Variants in NKAIN2 observed in about 807,000 individuals in gnomAD.
NKAIN2 encodes sodium/potassium-transporting ATPase subunit beta-1-interacting protein 2.
NKAIN2 carries 14 observed loss-of-function variants against 32.6 expected under a neutral mutation model. The ratio of observed to expected loss-of-function variants is 0.43; its 90% CI spans 0.28 to 0.67. NKAIN2 has a LOEUF of 0.67. NKAIN2 is among the 30% of genes least tolerant of loss of function. The pLI, the probability that NKAIN2 is intolerant of heterozygous loss-of-function variation, is 0.17. For synonymous variants in NKAIN2, 80 were observed against 87.2 expected, an observed-to-expected ratio of 0.92 and a Z score of 0.46; for missense variants, 198 against 258.3, an observed-to-expected ratio of 0.77 and a Z score of 1.60.
chr6:123,852,407 A>T lies in NKAIN2; in HGVS notation c.54+48153A>T, dbSNP rs546403333. On this transcript the variant is annotated intron_variant, in intron 1 of 6. Transcript: ENST00000368417. Reference sequence around the variant, plus strand: ...CTCTTGAATTTTTTCTTCCTGTTCAACTGAAATTTTGCATCCTTCAGCTAA... The same window carrying T: ...CTCTTGAATTTTTTCTTCCTGTTCATCTGAAATTTTGCATCCTTCAGCTAA... Among the ~76,000 whole-genome samples, 14 of 152,200 alleles carry T rather than the reference A, an allele frequency of 9.2e-5. No homozygotes were observed. The East Asian group carries it at 2.1e-3, about 23-fold the overall frequency.
chr6:123,910,504 T>G (rs1256924914), intron 1 of NKAIN2, among the ~76,000 whole-genome samples: 7 of 126,552 alleles, frequency 5.5e-5, no homozygotes, highest in African/African-American at 2.3e-4. Context: ...TGCATGTTTT[T>G]TTTTTTTTTT....
chr6:124,333,446 G>A (rs1797744262), intron 2 of NKAIN2, among the ~76,000 whole-genome samples: 1 of 151,210 alleles, frequency 6.6e-6, no homozygotes, highest in Admixed American at 6.6e-5. Flanking sequence ...GATCACCTGA[G>A]GTCAGGAGTT....
chr6:123,821,215 G>C (rs919614767), intron 1 of NKAIN2, among the ~76,000 whole-genome samples: 4 of 152,130 alleles, frequency 2.6e-5, no homozygotes, highest in African/African-American at 9.7e-5. Flanking sequence ...GTAGCCACTG[G>C]ATATTTACAT....
At chr6:124,384,197 T>G (rs1310286278) in intron 3 of NKAIN2, among the ~76,000 whole-genome samples, 1 of 152,178 alleles carries the variant, frequency 6.6e-6, no homozygotes, top group East Asian at 1.9e-4. Flanking sequence ...GTAAGATTCA[T>G]GAGAACAGTG....
At chr6:124,428,332 A>G (rs1451714279) in intron 3 of NKAIN2, among the ~76,000 whole-genome samples, 1 of 152,158 alleles carries the variant, frequency 6.6e-6, no homozygotes, top group Non-Finnish European at 1.5e-5. Flanking sequence ...ATTGCTGGAA[A>G]TAACTAGGAT....
At chr6:123,816,065 G>T (rs918184496) in intron 1 of NKAIN2, among the ~76,000 whole-genome samples, 13 of 152,268 alleles carry the variant, frequency 8.5e-5, no homozygotes, top group Non-Finnish European at 1.6e-4. Context: ...ATACGATAGG[G>T]AGGATTTCTA....
Position 124,823,345 on chromosome 6 carries a change from A to C in NKAIN2, c.*116A>C. On this transcript the variant is annotated 3_prime_UTR_variant, in exon 7 of 7. Transcript: ENST00000368417. ...TGAGTTTAAATACATACACGTATTA[A>C]CAAAACAAATGCAAAGCCTCTACAT... is the stretch of plus-strand genomic sequence containing the variant. 1 of 785,554 alleles carries C rather than the reference A, an allele frequency of 1.3e-6. No individual in the cohort carries two copies. The highest frequency in any genetic ancestry group is 2.3e-6 in the Non-Finnish European group (1 of 432,498). 48.7% of individuals were successfully genotyped at this position (785,554 alleles called of 1,614,324 possible).
chr6:124,445,356 A>T, intron 3 of NKAIN2, among the ~76,000 whole-genome samples: 1 of 152,190 alleles, frequency 6.6e-6, no homozygotes, highest in South Asian at 2.1e-4. Flanking sequence ...ACTTTTTATT[A>T]TTATATCACT....
intron 3 of NKAIN2, among the ~76,000 whole-genome samples, chr6:124,449,371 G>A (rs1039784769): frequency 2.6e-5 from 4 of 152,022 alleles, no homozygotes; most frequent in African/African-American, 9.7e-5. Flanking sequence ...GCAAAAACAT[G>A]CACCAGCCTG....
intron 4 of NKAIN2, among the ~76,000 whole-genome samples, chr6:124,685,082 T>C (rs1355864341): frequency 6.6e-6 from 1 of 152,134 alleles, no homozygotes; most frequent in Non-Finnish European, 1.5e-5. Flanking sequence ...TTTTTGCACT[T>C]ATCACATGGT....
intron 1 of NKAIN2, among the ~76,000 whole-genome samples, chr6:124,271,087 G>T (rs1404398327): frequency 1.3e-5 from 2 of 152,116 alleles, no homozygotes; most frequent in African/African-American, 2.4e-5. Flanking sequence ...ATTTATAAGT[G>T]GCAGTTTTTT....
At chr6:124,704,131 G>T (rs142870797) in intron 4 of NKAIN2, among the ~76,000 whole-genome samples, 219 of 152,030 alleles carry the variant, frequency 1.4e-3, no homozygotes, top group African/African-American at 4.9e-3. Flanking sequence ...TTTATAAGAA[G>T]AGGCTCACTA....
At chr6:124,660,644 C>G (rs1342192570) in intron 4 of NKAIN2, among the ~76,000 whole-genome samples, 1 of 152,196 alleles carries the variant, frequency 6.6e-6, no homozygotes, top group African/African-American at 2.4e-5. Context: ...GTGACATCTT[C>G]ACCTCTACCT....
At chr6:124,218,832 T>C (rs911926740) in intron 1 of NKAIN2, among the ~76,000 whole-genome samples, 13 of 152,190 alleles carry the variant, frequency 8.5e-5, no homozygotes, top group African/African-American at 2.9e-4. Context: ...ATTGTATTAG[T>C]TCATTTTCAC....
chr6:123,883,335 C>T (rs942889071), intron 1 of NKAIN2, among the ~76,000 whole-genome samples: 4 of 151,926 alleles, frequency 2.6e-5, no homozygotes, highest in African/African-American at 9.7e-5. Context: ...TTAGTAGAGA[C>T]AGGGTTTCAC....
rs11446771 is a variant in NKAIN2, at chr6:124,124,366, A to AT, written c.55-158639_55-158638insT. On this transcript the variant is annotated intron_variant, in intron 1 of 6. Coordinates refer to ENST00000368417, the MANE Select transcript of NKAIN2 (RefSeq NM_001040214.3). ...TATATAAATTATTGCTCTTCCAGTTAAACACAGCATTAATGGGAAATTGTT... is the reference window on the plus strand; with the variant it reads ...TATATAAATTATTGCTCTTCCAGTTATAACACAGCATTAATGGGAAATTGTT... Among the ~76,000 whole-genome samples, 10 of 151,982 alleles carry AT rather than the reference A, an allele frequency of 6.6e-5. No homozygotes were observed. The East Asian group carries it at 1.9e-3, about 29-fold the overall frequency.
chr6:124,658,306 C>T lies in NKAIN2; in HGVS notation c.394C>T (p.Arg132Cys), dbSNP rs763164958. Residue 132 changes from arginine (R) to cysteine (C), a missense_variant, in exon 4 of 7, where the codon CGC becomes TGC. Physicochemically the swap from Arg to Cys is radical, Grantham distance 180 (BLOSUM62 -3). Transcript: ENST00000368417. ...CCCAGACTGGGCCCCAGAAGACCAT[C>T]GCTACATCACGGTCTCAGGGTGTTT... is the stretch of plus-strand genomic sequence containing the variant. ...PAPDWAPEDH[R>C]YITVSGCLLE... 8.7e-6 allele frequency: 14 copies of T among 1,613,980 alleles called. No homozygotes were observed. The highest frequency in any genetic ancestry group is 5.0e-5 in the Admixed American group (3 of 59,998).
At chr6:124,257,986 G>A (rs1226577090) in intron 1 of NKAIN2, among the ~76,000 whole-genome samples, 2 of 151,696 alleles carry the variant, frequency 1.3e-5, no homozygotes, top group African/African-American at 4.8e-5. Context: ...TCACCATGTT[G>A]GCCAGGCTGG....
At chr6:124,026,786 A>T (rs759716824) in intron 1 of NKAIN2, among the ~76,000 whole-genome samples, 4 of 152,084 alleles carry the variant, frequency 2.6e-5, no homozygotes, top group Non-Finnish European at 5.9e-5. Flanking sequence ...ACCTGACCCC[A>T]TGTTGCATGT....
Sources: allele counts gnomAD v4.1 joint callset (sites outside exome capture counted in the v4.1 genomes callset), GRCh38; gene constraint gnomAD v4.1.1; transcripts MANE v1.5; gene names NCBI Gene and HGNC (gene_info 2026-07-23, HGNC 2026-07-21).